Variants in CEP170 observed in about 807,000 individuals in gnomAD.
CEP170 encodes the protein centrosomal protein 170.
A neutral mutation model predicts 151.9 loss-of-function variants in CEP170; 21 were observed. The observed-to-expected ratio is 0.14, with a 90% CI of 0.10 to 0.20. The LOEUF is 0.20. Among genes scored for constraint, CEP170 ranks in the 10% least tolerant of loss-of-function variants. The probability of loss-of-function intolerance (pLI) is 1.00; values close to 1 mark genes in which losing one functional copy is unlikely to be tolerated. For missense variants in CEP170, 964 were observed against 1,892.9 expected, an observed-to-expected ratio of 0.51 and a Z score of 9.11; for synonymous variants, 356 against 648.8, an observed-to-expected ratio of 0.55 and a Z score of 6.86.
chr1:243,242,829 T>C (rs981350472), intron 1 of CEP170, among the ~76,000 whole-genome samples: 3 of 152,128 alleles, frequency 2.0e-5, no homozygotes, highest in Non-Finnish European at 2.9e-5. Context: ...GCCTCCCAGG[T>C]AGCCAGGATT....
upstream of CEP170, among the ~76,000 whole-genome samples, chr1:243,255,774 C>G (rs938560694): frequency 6.6e-6 from 1 of 152,222 alleles, no homozygotes; most frequent in Admixed American, 6.5e-5. Context: ...GTGGTCCAGG[C>G]AGCTGAAGAG....
At chr1:243,162,198 T>A (rs2058120418) in intron 13 of CEP170, among the ~76,000 whole-genome samples, 1 of 152,150 alleles carries the variant, frequency 6.6e-6, no homozygotes, top group South Asian at 2.1e-4. Context: ...CTGATAATAA[T>A]CCAGTAGATT....
At chr1:243,161,665 T>C (rs1025073017) in intron 13 of CEP170, among the ~76,000 whole-genome samples, 3 of 151,978 alleles carry the variant, frequency 2.0e-5, no homozygotes, top group African/African-American at 4.8e-5. Flanking sequence ...TCATCTAAAA[T>C]ATGGAATTGG....
intron 4 of CEP170, 47 bp from the exon 5 acceptor site, chr1:243,200,882 A>G (rs772053019): frequency 1.3e-6 from 2 of 1,576,494 alleles, no homozygotes; most frequent in South Asian, 1.2e-5. Context: ...CTGATAATTG[A>G]GCTAAAAATC....
chr1:243,147,589 T>G (rs1367151658), intron 14 of CEP170, among the ~76,000 whole-genome samples: 1 of 152,204 alleles, frequency 6.6e-6, no homozygotes, highest in Non-Finnish European at 1.5e-5. Flanking sequence ...GAAATCAACA[T>G]ATGCAGGTGT....
chr1:243,205,501 C>T (rs2789276), intron 4 of CEP170, among the ~76,000 whole-genome samples: 1 of 152,166 alleles, frequency 6.6e-6, no homozygotes, highest in East Asian at 1.9e-4. Flanking sequence ...TCCAACAAAA[C>T]AGCCTGAGGA....
chr1:243,132,440 A>G (rs1478979732), intron 17 of CEP170, among the ~76,000 whole-genome samples: 1 of 152,172 alleles, frequency 6.6e-6, no homozygotes, highest in African/African-American at 2.4e-5. Flanking sequence ...AAACTCTTTA[A>G]TAATAGAAAT....
intron 17 of CEP170, among the ~76,000 whole-genome samples, chr1:243,129,734 T>G (rs2054158332): frequency 6.6e-6 from 1 of 152,082 alleles, no homozygotes; most frequent in South Asian, 2.1e-4. Flanking sequence ...TGTTATGACC[T>G]CAAAACTTTA....
At chr1:243,232,724 T>C (rs1016165966) in intron 1 of CEP170, among the ~76,000 whole-genome samples, 1 of 152,176 alleles carries the variant, frequency 6.6e-6, no homozygotes, top group Admixed American at 6.5e-5. Flanking sequence ...AACTCACTAC[T>C]GCAGGGAATG....
At chr1:243,254,435 C>G (rs893244355) in intron 1 of CEP170, 4 of 152,274 alleles carry the variant, frequency 2.6e-5, no homozygotes, top group African/African-American at 9.7e-5. Flanking sequence ...GAGCCAGAGC[C>G]TCCACGGGGT....
At chr1:243,224,047 A>C (rs2063034274) in intron 2 of CEP170, among the ~76,000 whole-genome samples, 1 of 152,184 alleles carries the variant, frequency 6.6e-6, no homozygotes, top group East Asian at 1.9e-4. Flanking sequence ...TTAAGCATTA[A>C]ACTGTTTTCA....
At chr1:243,219,451 G>C (rs76719120) in intron 3 of CEP170, among the ~76,000 whole-genome samples, 18 of 152,102 alleles carry the variant, frequency 1.2e-4, no homozygotes, top group Non-Finnish European at 2.1e-4. Context: ...TGCAGATGTC[G>C]CTCTCCATGA....
intron 13 of CEP170, among the ~76,000 whole-genome samples, chr1:243,162,219 T>G (rs1460898183): frequency 6.6e-6 from 1 of 152,184 alleles, no homozygotes; most frequent in Non-Finnish European, 1.5e-5. Flanking sequence ...CTAGCTGTCT[T>G]CTGGAAGCTT....
intron 7 of CEP170, among the ~76,000 whole-genome samples, chr1:243,194,671 A>G (rs1426327261): frequency 6.6e-6 from 1 of 151,946 alleles, no homozygotes; most frequent in Non-Finnish European, 1.5e-5. Context: ...CTTCTAATCA[A>G]CACAGAAAAA....
chr1:243,233,643 GA>G (rs2063969094), intron 1 of CEP170, among the ~76,000 whole-genome samples: 1 of 150,080 alleles, frequency 6.7e-6, no homozygotes, highest in African/African-American at 2.5e-5. Flanking sequence ...TGAGGCAGGA[GA>G]ATGGTGTGAA....
chr1:243,144,659 AG>A (rs2056252780), intron 14 of CEP170, among the ~76,000 whole-genome samples: 1 of 152,260 alleles, frequency 6.6e-6, no homozygotes, highest in South Asian at 2.1e-4. Flanking sequence ...TGTGGAAAAC[AG>A]TATAAATTAA....
At chr1:243,215,988 C>A (rs929308005) in intron 3 of CEP170, among the ~76,000 whole-genome samples, 1 of 151,612 alleles carries the variant, frequency 6.6e-6, no homozygotes, top group South Asian at 2.1e-4. Context: ...GTTGAATTAT[C>A]GGGGGTAGGT....
chr1:243,209,104 C>CA (rs1354412982), intron 4 of CEP170, among the ~76,000 whole-genome samples: 3 of 152,104 alleles, frequency 2.0e-5, no homozygotes, highest in African/African-American at 7.2e-5. Flanking sequence ...TCTCCAGTTA[C>CA]AAAAAAGACT....
chr1:243,182,093 T>C (rs907730707), intron 10 of CEP170, among the ~76,000 whole-genome samples: 6 of 152,054 alleles, frequency 3.9e-5, no homozygotes, highest in Non-Finnish European at 8.8e-5. Flanking sequence ...ATTAATGCTA[T>C]CTTGTGAGTT....
Sources: gnomAD v4.1 joint callset for allele counts (sites outside exome capture counted in the v4.1 genomes callset) on GRCh38, gnomAD v4.1.1 for gene constraint, MANE v1.5 for transcripts, NCBI Gene and HGNC (gene_info 2026-07-23, HGNC 2026-07-21) for gene names.